PCDHGB7: variants seen among roughly 807,000 people sequenced by gnomAD.
PCDHGB7 encodes protocadherin gamma subfamily B, 7.
In PCDHGB7, 37 loss-of-function variants were observed where a neutral mutation model predicts 61.4. That is an observed-to-expected ratio of 0.60 (90% CI 0.46 to 0.79). The LOEUF (loss-of-function observed/expected upper bound fraction) is 0.79. Among genes scored for constraint, PCDHGB7 ranks in the 30% least tolerant of loss-of-function variants. The pLI is 0.00. For missense variants in PCDHGB7, 1,166 were observed against 1,202.5 expected (o/e 0.97, Z 0.45); for synonymous variants, 464 against 503.5 (o/e 0.92, Z 1.05).
Position 141,432,617 on chromosome 5 carries a change from G to A in PCDHGB7, c.2415+12343G>A. The A allele has an allele frequency of 6.2e-7, 1 of 1,613,694 alleles. No individual in the cohort carries two copies. Among genetic ancestry groups the A allele is most frequent in the South Asian group, 1.1e-5 (1 of 91,044 alleles). On this transcript the variant is annotated intron_variant, in intron 1 of 3. Coordinates refer to ENST00000398594, the MANE Select transcript of PCDHGB7 (RefSeq NM_018927.4). This position sits in a 1 kb window ranked among gnomAD's most constrained non-coding sequence, Gnocchi z 6.0. ...CAGCGAGCCGGGACTCTTCTCGGTGGGTCTGCACACGGGCGAGGTGCGCAC... is the reference window on the plus strand; with the variant it reads ...CAGCGAGCCGGGACTCTTCTCGGTGAGTCTGCACACGGGCGAGGTGCGCAC...
intron 2 of PCDHGB7, among the ~76,000 whole-genome samples, chr5:141,503,458 G>A (rs948221006): frequency 2.0e-5 from 3 of 152,018 alleles, no homozygotes; most frequent in Non-Finnish European, 4.4e-5. Flanking sequence ...CGCTGGGCAT[G>A]GTGGCATGTG....
chr5:141,419,824 AGCCACTGCCACGCT>A lies in PCDHGB7; in HGVS notation c.1968_1981del (p.Thr657ProfsTer6). The A allele has an allele frequency of 6.2e-7, 1 of 1,614,038 alleles. No individual in the cohort carries two copies. Among genetic ancestry groups the A allele is most frequent in the South Asian group, 1.1e-5 (1 of 91,086 alleles). ...GAGATGGAGGACAGCCACCCCTTTC[AGCCACTGCCACGCT>A]GCACCTGGTGTTCGCAGATAGCTTG... On this transcript the variant is annotated frameshift_variant, in exon 1 of 4. Coordinates refer to ENST00000398594, the MANE Select transcript of PCDHGB7 (RefSeq NM_018927.4). LOFTEE classifies it high-confidence loss of function.
chr5:141,448,945 A>G (rs1288079348), intron 1 of PCDHGB7, among the ~76,000 whole-genome samples: 1 of 151,716 alleles, frequency 6.6e-6, no homozygotes, highest in Non-Finnish European at 1.5e-5. Context: ...ACTGCAACTC[A>G]AAAAAACAAA....
At chr5:141,501,602 A>T (rs766918685) in intron 2 of PCDHGB7, among the ~76,000 whole-genome samples, 1 of 152,026 alleles carries the variant, frequency 6.6e-6, no homozygotes. Flanking sequence ...TACCAGTTCC[A>T]GCTGTGTGAC....
chr5:141,461,647 C>T (rs1242234255), intron 1 of PCDHGB7, among the ~76,000 whole-genome samples: 3 of 152,006 alleles, frequency 2.0e-5, no homozygotes, highest in Non-Finnish European at 4.4e-5. Context: ...TTCTTTGACC[C>T]ATGGATTATT....
chr5:141,478,097 A>G lies in PCDHGB7; in HGVS notation c.2416-16710A>G, dbSNP rs757796085. Reference sequence around the variant, plus strand: ...GGAGCCTTCGCTCTCCACCACTGCTACCCTCACTGTGTCAGTAACCGAGGA... The same window carrying G: ...GGAGCCTTCGCTCTCCACCACTGCTGCCCTCACTGTGTCAGTAACCGAGGA... On this transcript the variant is annotated intron_variant, in intron 1 of 3. Transcript: ENST00000398594. 9.9e-6 allele frequency: 16 copies of G among 1,613,666 alleles called. No homozygotes were observed. Among genetic ancestry groups the G allele is most frequent in the Admixed American group, 1.7e-5 (1 of 59,970 alleles).
At chr5:141,508,682 C>G (rs2099870913) in intron 3 of PCDHGB7, among the ~76,000 whole-genome samples, 1 of 152,080 alleles carries the variant, frequency 6.6e-6, no homozygotes, top group Non-Finnish European at 1.5e-5. Context: ...TCCCTTCTCC[C>G]TGCTTCTCCG....
chr5:141,419,004 T>C lies in PCDHGB7; in HGVS notation c.1145T>C (p.Val382Ala). 1 of 1,613,886 alleles carries C rather than the reference T, an allele frequency of 6.2e-7. No homozygotes were observed. Among genetic ancestry groups the C allele is most frequent in the Non-Finnish European group, 8.5e-7 (1 of 1,179,862 alleles). ...CAAGACTCAGGGGAAAATGGGGAAG[T>C]CAGGTGTAGCTTAAGTAGAGGTGTT... ...RDQDSGENGEVRCSLSRGVPF... is the reference protein window; with the variant it reads ...RDQDSGENGEARCSLSRGVPF... Residue 382 changes from valine (V) to alanine (A), a missense_variant, in exon 1 of 4, where the codon GTC (valine) becomes GCC (alanine). Val to Ala is a moderately conservative substitution (Grantham distance 64, BLOSUM62 0). Transcript: ENST00000398594.
At position 141,485,291 on chromosome 5, in the gene PCDHGB7, C is replaced by A. The variant is rs114678203; in HGVS notation, c.2416-9516C>A. 436 of 1,614,150 alleles carry A rather than the reference C, an allele frequency of 2.7e-4. No homozygotes were observed. Among genetic ancestry groups the A allele is most frequent in the Middle Eastern group, 8.2e-4 (5 of 6,062 alleles). Reference sequence around the variant, plus strand: ...CCGCTACCCGGTCCCAGAGGAGTCACAGGAAGGGACTTTTGTAGGGAATGT... The same window carrying A: ...CCGCTACCCGGTCCCAGAGGAGTCAAAGGAAGGGACTTTTGTAGGGAATGT... On this transcript the variant is annotated intron_variant, in intron 1 of 3. Coordinates refer to ENST00000398594, the MANE Select transcript of PCDHGB7 (RefSeq NM_018927.4). The surrounding 1 kb of genome is among the most constrained non-coding windows in gnomAD (Gnocchi z 5.7).
chr5:141,430,639 A>T, intron 1 of PCDHGB7: 1 of 900,712 alleles, frequency 1.1e-6, no homozygotes. Flanking sequence ...CATCCCTGGG[A>T]GTATGTGGAA....
chr5:141,480,021 C>G (rs1415230863), intron 1 of PCDHGB7, among the ~76,000 whole-genome samples: 1 of 152,208 alleles, frequency 6.6e-6, no homozygotes, highest in Non-Finnish European at 1.5e-5. Context: ...AATCTCCTTT[C>G]TAAGCCTCTT....
chr5:141,447,356 C>T (rs1158878203), intron 1 of PCDHGB7, among the ~76,000 whole-genome samples: 4 of 152,000 alleles, frequency 2.6e-5, no homozygotes, highest in African/African-American at 9.7e-5. Context: ...TCAGGCTGGT[C>T]TCAAACTCCT....
chr5:141,451,593 C>A (rs2098719809), intron 1 of PCDHGB7, among the ~76,000 whole-genome samples: 1 of 152,042 alleles, frequency 6.6e-6, no homozygotes, highest in African/African-American at 2.4e-5. Context: ...TTGAAAGTGA[C>A]ATACAAGGCT....
At chr5:141,438,538 A>G (rs950527053) in intron 1 of PCDHGB7, among the ~76,000 whole-genome samples, 2 of 145,166 alleles carry the variant, frequency 1.4e-5, no homozygotes, top group African/African-American at 2.6e-5. Context: ...CTTTTCCTCT[A>G]TATCTAAGCC....
Position 141,489,585 on chromosome 5 carries a change from G to C in PCDHGB7, c.2416-5222G>C. The C allele has an allele frequency of 6.2e-7, 1 of 1,614,090 alleles. No individual in the cohort carries two copies. On this transcript the variant is annotated intron_variant, in intron 1 of 3. Transcript: ENST00000398594. This position sits in a 1 kb window ranked among gnomAD's most constrained non-coding sequence, Gnocchi z 4.5. ...AGGTGGTGACTGAACACCCCCTGGA[G>C]CTAATCCGTGTAGAGGTAGAGATCC...
chr5:141,501,030 A>G (rs2099805050), intron 2 of PCDHGB7, among the ~76,000 whole-genome samples: 1 of 151,848 alleles, frequency 6.6e-6, no homozygotes, highest in Admixed American at 6.6e-5. Flanking sequence ...CACCACGCCC[A>G]GCTAATTTTT....
chr5:141,444,035 T>C (rs928920813), intron 1 of PCDHGB7, among the ~76,000 whole-genome samples: 1 of 151,694 alleles, frequency 6.6e-6, no homozygotes, highest in Non-Finnish European at 1.5e-5. Context: ...ATTCAGTAAA[T>C]CAGATAATTT....
intron 1 of PCDHGB7, chr5:141,423,195 G>A: frequency 1.2e-6 from 2 of 1,613,544 alleles, no homozygotes; most frequent in Non-Finnish European, 8.5e-7. Flanking sequence ...CCCCTCTCTC[G>A]GCCACCGTCA....
At chr5:141,438,883 C>T (rs1026043786) in intron 1 of PCDHGB7, among the ~76,000 whole-genome samples, 4 of 151,728 alleles carry the variant, frequency 2.6e-5, no homozygotes, top group Non-Finnish European at 5.9e-5. Context: ...CCAGGCTGCT[C>T]TTGAACTCCT....
Sources: gnomAD v4.1 joint callset for allele counts (sites outside exome capture counted in the v4.1 genomes callset) on GRCh38, gnomAD v4.1.1 for gene constraint, Gnocchi (gnomAD v3.1) non-coding constraint, MANE v1.5 for transcripts, NCBI Gene and HGNC (gene_info 2026-07-23, HGNC 2026-07-21) for gene names.